Variants in KDELR3 observed in about 807,000 individuals in gnomAD.
KDELR3 encodes the protein KDEL endoplasmic reticulum protein retention receptor 3.
KDELR3 carries 26 observed loss-of-function variants against 22.7 expected under a neutral mutation model. The ratio of observed to expected loss-of-function variants is 1.15; its 90% CI spans 0.84 to 1.59. The LOEUF (loss-of-function observed/expected upper bound fraction) is 1.59, where lower values mean the gene tolerates loss of function less well. KDELR3 is among the 40% of genes most tolerant of loss of function. The pLI, the probability that KDELR3 is intolerant of heterozygous loss-of-function variation, is 0.00. For synonymous variants in KDELR3, 120 were observed against 98.2 expected, an observed-to-expected ratio of 1.22 and a Z score of -1.31; for missense variants, 289 against 251.1, an observed-to-expected ratio of 1.15 and a Z score of -1.02.
rs138971196 is a variant in KDELR3 at position 38,472,334 on chromosome 22, G to A, written c.92-2189G>A. ...TCTACTAAAAACACAAAAATTAGCC[G>A]GGCATGATGGTGGGCGCCTGTAATC... On this transcript the variant is annotated intron_variant, in intron 1 of 4. Transcript: ENST00000216014. 9.1e-4 allele frequency among the ~76,000 whole-genome samples: 138 copies of A among 152,002 alleles called. 1 individual carries two copies. The highest frequency in any genetic ancestry group is 2.9e-4 in the Non-Finnish European group (20 of 67,970).
chr22:38,479,474 C>T (rs1208298122), intron 2 of KDELR3, 119 bp from the exon 3 acceptor site: 1 of 925,218 alleles, frequency 1.1e-6, no homozygotes, highest in East Asian at 2.4e-5. Flanking sequence ...ACACATTTAA[C>T]CTCTTCATGT....
At position 38,482,797 on chromosome 22, in the gene KDELR3, G is replaced by A. The variant is rs2089614439; in HGVS notation, c.*261G>A. On this transcript the variant is annotated 3_prime_UTR_variant, in exon 5 of 5. Transcript: ENST00000216014. Reference sequence around the variant, plus strand: ...TCACTGCAACAAGAAACCTTAAGGTGTCTTACCGACGAAATAAAAAACATA... The same window carrying A: ...TCACTGCAACAAGAAACCTTAAGGTATCTTACCGACGAAATAAAAAACATA... 2.1e-6 allele frequency: 1 copy of A among 483,338 alleles called. No individual in the cohort carries two copies. The highest frequency in any genetic ancestry group is 5.3e-4 in the Middle Eastern group (1 of 1,872). 29.9% of individuals were successfully genotyped at this position (483,338 alleles called of 1,614,324 possible). A position where few individuals can be genotyped will look rare whatever the true frequency, so the allele number is the denominator to read the frequency against.
In KDELR3 at chr22:38,482,749, G is replaced by A. The variant is rs1311852084; in HGVS notation, c.*213G>A. ...CATTGTAAGGTCATAAAAAACCTCGGCCACCTGCACAAAGATGGTGCCTCA... is the reference window on the plus strand; with the variant it reads ...CATTGTAAGGTCATAAAAAACCTCGACCACCTGCACAAAGATGGTGCCTCA... On this transcript the variant is annotated 3_prime_UTR_variant, in exon 5 of 5. Transcript: ENST00000216014. 2.4e-5 allele frequency: 13 copies of A among 547,662 alleles called. No individual in the cohort carries two copies. In the East Asian group the frequency reaches 3.8e-4, roughly 16 times the overall value. The allele number at this position is 547,662 out of a possible 1,614,324, so 33.9% of individuals were successfully genotyped here. A position where few individuals can be genotyped will look rare whatever the true frequency, so the allele number is the denominator to read the frequency against.
rs568432851 is a variant in KDELR3 at position 38,476,187 on chromosome 22, C to T, written c.192+1564C>T. Among the ~76,000 whole-genome samples, 31 of 152,086 alleles carry T rather than the reference C, an allele frequency of 2.0e-4. No individual in the cohort carries two copies. In the South Asian group the frequency reaches 6.2e-3, roughly 31 times the overall value. On this transcript the variant is annotated intron_variant, in intron 2 of 4. Transcript: ENST00000216014. ...GCTCAAGTGATCTGCCTGTGTCAGT[C>T]TCCCGAAGTTCTGGAATTACCATGA...
intron 2 of KDELR3, among the ~76,000 whole-genome samples, chr22:38,475,079 CAAA>C (rs1018109138): frequency 3.0e-3 from 62 of 20,432 alleles, no homozygotes; most frequent in African/African-American, 8.0e-3. Context: ...GACTCTGTCT[CAAA>C]AAAAAAAAAA....
At chr22:38,480,575 G>A (rs991504885) in intron 3 of KDELR3, among the ~76,000 whole-genome samples, 1 of 151,634 alleles carries the variant, frequency 6.6e-6, no homozygotes, top group East Asian at 1.9e-4. Flanking sequence ...GTGAAACCCT[G>A]TCTCTACTGA....
Position 38,479,894 on chromosome 22 carries a change from A to T in KDELR3, c.351+143A>T. 2.5e-6 allele frequency: 2 copies of T among 803,474 alleles called. 1 individual carries two copies. Among genetic ancestry groups the T allele is most frequent in the South Asian group, 3.3e-5 (2 of 60,170 alleles). 49.8% of individuals were successfully genotyped at this position (803,474 alleles called of 1,614,324 possible). ...GTTATAAGTTGAGAAGAAATTGACA[A>T]GCTATTTACAATGCTTTAGTTGGAA... On this transcript the variant is annotated intron_variant, in intron 3 of 4. Transcript: ENST00000216014.
chr22:38,471,880 T>C (rs2089527219), intron 1 of KDELR3, among the ~76,000 whole-genome samples: 1 of 137,740 alleles, frequency 7.3e-6, no homozygotes, highest in South Asian at 2.1e-4. Context: ...AGGGGGGTCA[T>C]CCGAGCCTGG....
chr22:38,468,336 C>A lies in KDELR3; in HGVS notation c.91+12C>A. On this transcript the variant is annotated intron_variant, in intron 1 of 4. Transcript: ENST00000216014. ...CAAGTGCTGCAAGGGTGAGGGGCGC[C>A]TGGCAGGGAGGTGCGGGACCCCCTC... 6.2e-7 allele frequency: 1 copy of A among 1,612,628 alleles called. No homozygotes were observed. Among genetic ancestry groups the A allele is most frequent in the South Asian group, 1.1e-5 (1 of 91,070 alleles).
rs1340234565 is a variant in KDELR3, at chr22:38,481,474, G to A, written c.604+10G>A. 6.2e-7 allele frequency: 1 copy of A among 1,613,992 alleles called. No homozygotes were observed. The highest frequency in any genetic ancestry group is 1.3e-5 in the African/African-American group (1 of 74,884). The stretch of plus-strand genomic sequence containing the variant: ...TTGTATGTGACCAAAGGTAGGTCCT[G>A]GGATGACAGCAATGCTGACACTGGC... On this transcript the variant is annotated intron_variant, in intron 4 of 4. Transcript: ENST00000216014.
intron 3 of KDELR3, 110 bp downstream of exon 3, chr22:38,479,861 A>G (rs2089587285): frequency 2.1e-6 from 2 of 965,696 alleles, no homozygotes; most frequent in South Asian, 3.0e-5. Context: ...TTACTCATGT[A>G]TCTTTCAGTT....
rs2089543828 is a variant in KDELR3, at chr22:38,474,328, G to C, written c.92-195G>C. ...GAGACAGATTACAGTTTAATGAGAG[G>C]AACGACGACTCAAGTGATCCGATGG... On this transcript the variant is annotated intron_variant, in intron 1 of 4. Transcript: ENST00000216014. 5.6e-6 allele frequency: 3 copies of C among 539,284 alleles called. No homozygotes were observed. The South Asian group carries it at 6.9e-5, about 12-fold the overall frequency. The allele number at this position is 539,284 out of a possible 1,614,324, so 33.4% of individuals were successfully genotyped here.
intron 1 of KDELR3, among the ~76,000 whole-genome samples, chr22:38,469,787 C>T (rs1285289623): frequency 6.6e-6 from 1 of 152,160 alleles, no homozygotes; most frequent in African/African-American, 2.4e-5. Context: ...ACAGCAGAGG[C>T]CCAGCCCTGG....
Position 38,482,727 on chromosome 22 carries a change from T to C in KDELR3, c.*191T>C, listed in dbSNP as rs2089613566. ...CAATAGATCGCCCTTAAAGACCCATTGTAAGGTCATAAAAAACCTCGGCCA... is the reference window on the plus strand; with the variant it reads ...CAATAGATCGCCCTTAAAGACCCATCGTAAGGTCATAAAAAACCTCGGCCA... On this transcript the variant is annotated 3_prime_UTR_variant, in exon 5 of 5. Coordinates refer to ENST00000216014, the MANE Select transcript of KDELR3 (RefSeq NM_006855.4). The C allele has an allele frequency of 1.7e-6, 1 of 572,824 alleles. No individual in the cohort carries two copies. The highest frequency in any genetic ancestry group is 3.1e-6 in the Non-Finnish European group (1 of 324,788). 35.5% of individuals were successfully genotyped at this position (572,824 alleles called of 1,614,324 possible). A position where few individuals can be genotyped will look rare whatever the true frequency, so the allele number is the denominator to read the frequency against.
chr22:38,482,132 G>A (rs2089607881), intron 4 of KDELR3, among the ~76,000 whole-genome samples: 1 of 152,188 alleles, frequency 6.6e-6, no homozygotes, highest in Non-Finnish European at 1.5e-5. Context: ...AGGGTAGAAA[G>A]CAGTCCAAGT....
In KDELR3 at chr22:38,479,632, A is replaced by C; in HGVS notation, c.232A>C (p.Ile78Leu). The C allele has an allele frequency of 1.9e-6, 3 of 1,613,972 alleles. No homozygotes were observed. The highest frequency in any genetic ancestry group is 2.5e-6 in the Non-Finnish European group (3 of 1,179,894). ...LLCAYVTVYM[I>L]YGKFRKTFDS... ...CTGTGCCTATGTTACAGTGTACATG[A>C]TATATGGGAAATTCCGTAAAACTTT... is the stretch of plus-strand genomic sequence containing the variant. Residue 78 changes from isoleucine to leucine, a missense_variant, in exon 3 of 5, where the codon ATA becomes CTA. Transcript: ENST00000216014.
At chr22:38,479,269 A>G (rs1390218055) in intron 2 of KDELR3, among the ~76,000 whole-genome samples, 1 of 152,180 alleles carries the variant, frequency 6.6e-6, no homozygotes, top group Non-Finnish European at 1.5e-5. Context: ...TTGTTTCAAG[A>G]GCCCTGGAAT....
chr22:38,468,864 G>A (rs1256902696), intron 1 of KDELR3, among the ~76,000 whole-genome samples: 1 of 152,220 alleles, frequency 6.6e-6, no homozygotes, highest in African/African-American at 2.4e-5. Flanking sequence ...AACGGAAGCC[G>A]GGGAAGGCTG....
In KDELR3 at chr22:38,468,332, G is replaced by A. The variant is rs781349631; in HGVS notation, c.91+8G>A. 16 of 1,612,828 alleles carry A rather than the reference G, an allele frequency of 9.9e-6. No homozygotes were observed. The highest frequency in any genetic ancestry group is 1.3e-5 in the African/African-American group (1 of 74,896). Reference sequence around the variant, plus strand: ...GGTCCAAGTGCTGCAAGGGTGAGGGGCGCCTGGCAGGGAGGTGCGGGACCC... The same window carrying A: ...GGTCCAAGTGCTGCAAGGGTGAGGGACGCCTGGCAGGGAGGTGCGGGACCC... On this transcript the variant is annotated splice_region_variant and intron_variant, in intron 1 of 4. Transcript: ENST00000216014.
Sources: gnomAD v4.1 joint callset for allele counts (sites outside exome capture counted in the v4.1 genomes callset) on GRCh38, gnomAD v4.1.1 for gene constraint, MANE v1.5 for transcripts, NCBI Gene and HGNC (gene_info 2026-07-23, HGNC 2026-07-21) for gene names.